GPC4: variants seen among roughly 807,000 people sequenced by gnomAD.
GPC4 encodes glypican 4.
In GPC4, 10 loss-of-function variants were observed where a neutral mutation model predicts 35.0. That is an observed-to-expected ratio of 0.29 (90% CI 0.18 to 0.48). The LOEUF is 0.48. GPC4 is among the 20% of genes least tolerant of loss of function. The probability of loss-of-function intolerance (pLI) is 0.99; values close to 1 mark genes in which losing one functional copy is unlikely to be tolerated. For synonymous variants in GPC4, 167 were observed against 170.2 expected, an observed-to-expected ratio of 0.98 and a Z score of 0.15; for missense variants, 322 against 451.3, an observed-to-expected ratio of 0.71 and a Z score of 2.60.
At chrX:133,312,040 G>A (rs767954956) in intron 3 of GPC4, among the ~76,000 whole-genome samples, 1 of 111,524 alleles carries the variant, frequency 9.0e-6, no homozygotes, top group Non-Finnish European at 1.9e-5. Flanking sequence ...TTAAACTTAG[G>A]GGGTGTGTGA....
At chrX:133,393,507 A>C (rs1339299921) in intron 1 of GPC4, among the ~76,000 whole-genome samples, 1 of 109,789 alleles carries the variant, frequency 9.1e-6, no homozygotes, top group Non-Finnish European at 1.9e-5. Context: ...AAAAAAAAAA[A>C]AACAAAACCT....
In GPC4 at chrX:133,402,231, G is replaced by A. The variant is rs753471076; in HGVS notation, c.160+12575C>T. On this transcript the variant is annotated intron_variant, in intron 1 of 8. Coordinates refer to ENST00000370828, the MANE Select transcript of GPC4 (RefSeq NM_001448.3). ...TTCATCTCTGACCAAACACCAGACC[G>A]AAAACTCAATGGAGACAAATGTGTG... Among the ~76,000 whole-genome samples, 5 of 111,693 alleles carry A rather than the reference G, an allele frequency of 4.5e-5. No individual in the cohort carries two copies. The South Asian group carries it at 1.5e-3, about 34-fold the overall frequency.
intron 2 of GPC4, among the ~76,000 whole-genome samples, chrX:133,332,540 C>T (rs28564475): frequency 0.011 from 1,281 of 111,405 alleles, 21 homozygotes; most frequent in African/African-American, 0.039. Context: ...GCTGGGATTA[C>T]AGGCGTGCAC....
At position 133,309,312 on chromosome X, in the gene GPC4, T is replaced by C. The variant is rs780937253; in HGVS notation, c.877+1946A>G. Among the ~76,000 whole-genome samples, 15 of 112,210 alleles carry C rather than the reference T, an allele frequency of 1.3e-4. No homozygotes were observed. The South Asian group carries it at 4.8e-3, about 36-fold the overall frequency. On this transcript the variant is annotated intron_variant, in intron 4 of 8. Transcript: ENST00000370828. The stretch of plus-strand genomic sequence containing the variant: ...CTACTTGGGTTTGTTTCTTCAAAGA[T>C]AACAAATGTAATTTTAAAAATGCCC...
chrX:133,414,770 G>C (rs766943794), intron 1 of GPC4, 36 bp downstream of exon 1: 8 of 1,199,060 alleles, frequency 6.7e-6, no homozygotes, highest in Admixed American at 2.2e-5. Flanking sequence ...CCGAAGTGTC[G>C]GTCTCTGCGC....
chrX:133,385,250 T>C (rs764596717), intron 1 of GPC4, among the ~76,000 whole-genome samples: 4 of 111,781 alleles, frequency 3.6e-5, no homozygotes, highest in South Asian at 7.6e-4. Context: ...GCAGTGACAT[T>C]TGCAAGCCAT....
chrX:133,319,443 C>CAAAAAAAAA (rs369290840), intron 3 of GPC4, among the ~76,000 whole-genome samples: 26 of 16,851 alleles, frequency 1.5e-3, no homozygotes, highest in East Asian at 2.1e-3. Flanking sequence ...GACCCTATGT[C>CAAAAAAAAA]AAAAAAAAAA....
intron 1 of GPC4, among the ~76,000 whole-genome samples, chrX:133,394,432 C>A (rs2068733563): frequency 9.0e-6 from 1 of 110,852 alleles, no homozygotes; most frequent in South Asian, 3.9e-4. Flanking sequence ...GGTCTTATGA[C>A]AGTATGACAA....
intron 2 of GPC4, 45 bp from the exon 3 acceptor site, chrX:133,324,581 A>G: frequency 9.5e-7 from 1 of 1,049,877 alleles, no homozygotes; most frequent in Non-Finnish European, 1.3e-6. Context: ...GAAAAACGAG[A>G]GTTTTCAGTG....
rs1446089947 is a variant in GPC4, at chrX:133,303,293, G to A, written c.1341C>T (p.Asn447=). 1 of 1,210,772 alleles carries A rather than the reference G, an allele frequency of 8.3e-7. No individual in the cohort carries two copies. Among genetic ancestry groups the A allele is most frequent in the Admixed American group, 2.2e-5 (1 of 45,982 alleles). Residue 447 remains asparagine, a synonymous_variant, in exon 8 of 9, where the codon AAC becomes AAT. Coordinates refer to ENST00000370828, the MANE Select transcript of GPC4 (RefSeq NM_001448.3). ...TGNGLANQGN[N]PEVQVDTSKP... ...TGCTGGTGTCAACCTGGACCTCTGG[G>A]TTGTTGCCCTGGTTGGCTAATCCAT...
rs1424734653 is a variant in GPC4, at chrX:133,302,967, T to C, written c.1571A>G (p.Asn524Ser). ...GACACCAGCACTGTCGGCTTTCTCA[T>C]TGGCACTCTTCCCAGCATGGTCAGT... ...NATDHAGKSA[N>S]EKADSAGVRP... Residue 524 changes from asparagine to serine, a missense_variant, in exon 9 of 9, where the codon AAT (asparagine) becomes AGT (serine). Transcript: ENST00000370828. The C allele has an allele frequency of 1.3e-5, 16 of 1,209,757 alleles. No homozygotes were observed. Among genetic ancestry groups the C allele is most frequent in the African/African-American group, 3.5e-5 (2 of 57,119 alleles).
chrX:133,321,297 G>A (rs1406609378), intron 3 of GPC4, among the ~76,000 whole-genome samples: 1 of 111,379 alleles, frequency 9.0e-6, no homozygotes, highest in East Asian at 2.8e-4. Context: ...CCTCTAACCT[G>A]CAATCAATTG....
intron 2 of GPC4, among the ~76,000 whole-genome samples, chrX:133,333,962 G>GT (rs1244723346): frequency 8.9e-6 from 1 of 112,553 alleles, no homozygotes; most frequent in African/African-American, 3.2e-5. Flanking sequence ...GGGATCTTTA[G>GT]TAAGTGTGGC....
chrX:133,347,248 G>GTT (rs763800349), intron 1 of GPC4, among the ~76,000 whole-genome samples: 5,069 of 25,000 alleles, frequency 0.2, 1,343 homozygotes, highest in East Asian at 0.39. Flanking sequence ...TCTATTAGAA[G>GTT]TTTTTTTTTT....
chrX:133,414,066 T>C (rs1458997662), intron 1 of GPC4, among the ~76,000 whole-genome samples: 2 of 110,071 alleles, frequency 1.8e-5, no homozygotes, highest in Non-Finnish European at 3.8e-5. Context: ...TAAAATGAGG[T>C]AAGAAAAAAG....
chrX:133,343,763 A>G (rs550518091), intron 1 of GPC4, among the ~76,000 whole-genome samples: 1 of 111,854 alleles, frequency 8.9e-6, no homozygotes, highest in African/African-American at 3.2e-5. Flanking sequence ...CACCAGCTCT[A>G]TGTAATTTCT....
At chrX:133,392,060 C>T (rs1366904606) in intron 1 of GPC4, among the ~76,000 whole-genome samples, 2 of 108,964 alleles carry the variant, frequency 1.8e-5, no homozygotes, top group African/African-American at 3.3e-5. Context: ...TGGTGAAACC[C>T]CGTCTCTACT....
chrX:133,398,061 C>T (rs934195790), intron 1 of GPC4, among the ~76,000 whole-genome samples: 3 of 111,953 alleles, frequency 2.7e-5, no homozygotes, highest in African/African-American at 9.7e-5. Context: ...GAGACTCGGT[C>T]TCAAACAAAC....
chrX:133,315,108 GT>G (rs768185435), intron 3 of GPC4, among the ~76,000 whole-genome samples: 5,081 of 93,786 alleles, frequency 0.054, 318 homozygotes, highest in African/African-American at 0.18. Flanking sequence ...AAGTGTTTGG[GT>G]TTTTTTTTTT....
Sources: gnomAD v4.1 joint callset for allele counts (sites outside exome capture counted in the v4.1 genomes callset) on GRCh38, gnomAD v4.1.1 for gene constraint, MANE v1.5 for transcripts, NCBI Gene and HGNC (gene_info 2026-07-23, HGNC 2026-07-21) for gene names.